Variants in PAPOLA observed in about 807,000 individuals in gnomAD.
PAPOLA encodes the protein poly(A) polymerase alpha.
Under a neutral mutation model 100.6 loss-of-function variants are expected in PAPOLA, and 15 were observed. The observed-to-expected ratio is 0.15, with a 90% CI of 0.10 to 0.23. PAPOLA has a LOEUF of 0.23. PAPOLA is among the 10% of genes least tolerant of loss of function. The pLI, the probability that PAPOLA is intolerant of heterozygous loss-of-function variation, is 1.00. For synonymous variants in PAPOLA, 293 were observed against 300.0 expected, an observed-to-expected ratio of 0.98 and a Z score of 0.24; for missense variants, 533 against 884.2, an observed-to-expected ratio of 0.60 and a Z score of 5.04.
intron 14 of PAPOLA, 80 bp downstream of exon 14, chr14:96,542,973 C>A: frequency 7.1e-7 from 1 of 1,404,804 alleles, no homozygotes; most frequent in Non-Finnish European, 1.0e-6. Context: ...TTTTTTATAA[C>A]TAGTATAACT....
At chr14:96,524,364 A>C (rs1421780918) in intron 3 of PAPOLA, among the ~76,000 whole-genome samples, 1 of 152,210 alleles carries the variant, frequency 6.6e-6, no homozygotes, top group Admixed American at 6.5e-5. Flanking sequence ...CTTTCTGAGT[A>C]AGAAAAGAAA....
rs551449973 is a variant in PAPOLA, at chr14:96,566,865, G to A, written c.*1815G>A. The A allele has an allele frequency of 3.3e-5, 5 of 152,474 alleles. No homozygotes were observed. The highest frequency in any genetic ancestry group is 6.6e-5 in the Admixed American group (1 of 15,246). 9.4% of individuals were successfully genotyped at this position (152,474 alleles called of 1,614,324 possible). ...GGGAAAACAATTCAGTTTATTAAACGTTTCATGTAACTGCACCCAAGTTTT... is the reference window on the plus strand; with the variant it reads ...GGGAAAACAATTCAGTTTATTAAACATTTCATGTAACTGCACCCAAGTTTT... On this transcript the variant is annotated 3_prime_UTR_variant, in exon 22 of 22. Coordinates refer to ENST00000216277, the MANE Select transcript of PAPOLA (RefSeq NM_032632.5).
chr14:96,503,813 A>ATG (rs1412610467), intron 1 of PAPOLA, among the ~76,000 whole-genome samples: 1 of 152,012 alleles, frequency 6.6e-6, no homozygotes, highest in African/African-American at 2.4e-5. Flanking sequence ...ACAATTATAT[A>ATG]TGTGTGTGAA....
At chr14:96,536,395 C>T (rs1415325135) in intron 11 of PAPOLA, among the ~76,000 whole-genome samples, 1 of 152,038 alleles carries the variant, frequency 6.6e-6, no homozygotes, top group African/African-American at 2.4e-5. Context: ...TTGGAGGAAC[C>T]TTTTAACTTT....
At chr14:96,510,005 G>A (rs1158852122) in intron 1 of PAPOLA, among the ~76,000 whole-genome samples, 1 of 138,260 alleles carries the variant, frequency 7.2e-6, no homozygotes, top group Admixed American at 7.3e-5. Context: ...ATTGTATGTA[G>A]GCCTGCTGAA....
At chr14:96,513,485 T>C (rs1411151660) in intron 1 of PAPOLA, among the ~76,000 whole-genome samples, 1 of 152,226 alleles carries the variant, frequency 6.6e-6, no homozygotes, top group Non-Finnish European at 1.5e-5. Context: ...TTGTAATAAA[T>C]AGATCGCTGG....
intron 11 of PAPOLA, 32 bp from the exon 12 acceptor site, chr14:96,536,944 T>A: frequency 1.7e-6 from 2 of 1,178,956 alleles, no homozygotes; most frequent in South Asian, 1.2e-5. Flanking sequence ...TAGACTGAAG[T>A]ATGCAAACAT....
chr14:96,566,172 A>G lies in PAPOLA; in HGVS notation c.*1122A>G. The G allele has an allele frequency of 2.7e-6, 1 of 366,112 alleles. No homozygotes were observed. The highest frequency in any genetic ancestry group is 4.9e-6 in the Non-Finnish European group (1 of 205,416). The allele number at this position is 366,112 out of a possible 1,614,324, so 22.7% of individuals were successfully genotyped here. On this transcript the variant is annotated 3_prime_UTR_variant, in exon 22 of 22. Transcript: ENST00000216277. Reference sequence around the variant, plus strand: ...ATGTGGGCAAAAAGGCATTTTCTCCAAGATTTTAAAACTAATTCTTATTTT... The same window carrying G: ...ATGTGGGCAAAAAGGCATTTTCTCCGAGATTTTAAAACTAATTCTTATTTT...
At chr14:96,544,092 C>G in intron 14 of PAPOLA, 57 bp from the exon 15 acceptor site, 2 of 916,270 alleles carry the variant, frequency 2.2e-6, no homozygotes, top group Non-Finnish European at 3.6e-6. Context: ...GTCAGCCACA[C>G]TGATAGCTAC....
intron 19 of PAPOLA, among the ~76,000 whole-genome samples, chr14:96,559,581 C>CTCTCTCTCTCTCTCTCTATA (rs370979875): frequency 2.5e-5 from 3 of 120,182 alleles, no homozygotes; most frequent in African/African-American, 1.0e-4. Flanking sequence ...CTCTCTCTCT[C>CTCTCTCTCTCTCTCTCTATA]TATATATATA....
At chr14:96,519,963 T>TC (rs1897804542) in intron 1 of PAPOLA, 92 bp from the exon 2 acceptor site, 1 of 1,063,790 alleles carries the variant, frequency 9.4e-7, no homozygotes, top group Non-Finnish European at 1.4e-6. Context: ...TGTTTAGAAA[T>TC]GTGTGTTACT....
chr14:96,515,480 G>A (rs1457109457), intron 1 of PAPOLA, among the ~76,000 whole-genome samples: 2 of 152,208 alleles, frequency 1.3e-5, no homozygotes, highest in Admixed American at 6.5e-5. Context: ...GTTTGCATTA[G>A]ATGTGGATGA....
At chr14:96,522,112 CTTTCTTTTTTTT>C (rs1001824977) in intron 3 of PAPOLA, among the ~76,000 whole-genome samples, 12 of 98,710 alleles carry the variant, frequency 1.2e-4, no homozygotes, top group South Asian at 4.0e-4. Context: ...CTCTTTCTTT[CTTTCTTTTTTTT>C]TTTTTTTTTT....
intron 10 of PAPOLA, 164 bp downstream of exon 10, chr14:96,534,727 T>C (rs755653584): frequency 7.8e-4 from 1,127 of 1,440,692 alleles, no homozygotes; most frequent in Non-Finnish European, 9.1e-4. Context: ...TCAACTATAA[T>C]TGATGTGAGA....
intron 20 of PAPOLA, 136 bp from the exon 21 acceptor site, chr14:96,562,683 T>A: frequency 1.7e-6 from 1 of 573,198 alleles, no homozygotes. Context: ...TAGATGTTTT[T>A]GTAATGTAGT....
At chr14:96,505,271 T>A (rs1186798374) in intron 1 of PAPOLA, among the ~76,000 whole-genome samples, 2 of 152,088 alleles carry the variant, frequency 1.3e-5, no homozygotes, top group East Asian at 3.8e-4. Context: ...CCCCTCCATT[T>A]CCCCAGTAAT....
intron 11 of PAPOLA, 47 bp from the exon 12 acceptor site, chr14:96,536,929 G>A (rs147123287): frequency 1.9e-6 from 2 of 1,054,306 alleles, no homozygotes; most frequent in African/African-American, 3.1e-5. Context: ...TAAAATTCTA[G>A]ATTGTAGACT....
intron 1 of PAPOLA, among the ~76,000 whole-genome samples, chr14:96,510,661 A>G (rs967046292): frequency 6.6e-6 from 1 of 152,246 alleles, no homozygotes; most frequent in East Asian, 1.9e-4. Context: ...TAAACAAACT[A>G]TTAACATCAT....
rs1350167869 is a variant in PAPOLA, at chr14:96,522,112, C to CTTTTTT, written c.249+1043_249+1044insTTTTTT. 3.0e-3 allele frequency among the ~76,000 whole-genome samples: 293 copies of CTTTTTT among 98,556 alleles called. 8 individuals carry two copies. The highest frequency in any genetic ancestry group is 3.9e-3 in the African/African-American group (77 of 19,650). The allele number at this position is 98,556 out of a possible 152,430, so 64.7% of individuals were successfully genotyped here. The stretch of plus-strand genomic sequence containing the variant: ...GCCACTGCATCTAGCCTCTTTCTTT[C>CTTTTTT]TTTCTTTTTTTTTTTTTTTTTTTTT... On this transcript the variant is annotated intron_variant, in intron 3 of 21. Coordinates refer to ENST00000216277, the MANE Select transcript of PAPOLA (RefSeq NM_032632.5).
Sources: gnomAD v4.1 joint callset for allele counts (sites outside exome capture counted in the v4.1 genomes callset) on GRCh38, gnomAD v4.1.1 for gene constraint, MANE v1.5 for transcripts, NCBI Gene and HGNC (gene_info 2026-07-23, HGNC 2026-07-21) for gene names.